Variants in WDR18 observed in about 807,000 individuals in gnomAD.
WDR18 encodes the protein WD repeat domain 18, also known as WD repeat-containing protein 18.
WDR18 carries 33 observed loss-of-function variants against 49.6 expected under a neutral mutation model. The ratio of observed to expected loss-of-function variants is 0.67; its 90% CI spans 0.50 to 0.89. WDR18 has a LOEUF of 0.89. Among genes scored for constraint, WDR18 ranks in the 40% least tolerant of loss-of-function variants. The pLI is 0.00. For synonymous variants in WDR18, 315 were observed against 263.6 expected, an observed-to-expected ratio of 1.19 and a Z score of -1.89; for missense variants, 653 against 593.6, an observed-to-expected ratio of 1.10 and a Z score of -1.04.
At chr19:991,500 C>G (rs1193696501) in intron 7 of WDR18, 149 bp downstream of exon 7, 2 of 477,146 alleles carry the variant, frequency 4.2e-6, no homozygotes, top group East Asian at 1.5e-4. Flanking sequence ...CGGGGCCTGG[C>G]TGGGGGAGTG....
At chr19:984,677 G>A (rs1599442983) in intron 1 of WDR18, 114 bp downstream of exon 1, 1 of 1,130,860 alleles carries the variant, frequency 8.8e-7, no homozygotes, top group East Asian at 3.2e-5. Context: ...GGGAGGGGAG[G>A]TGGTCTCCGT....
At chr19:986,168 C>A (rs2038472670) in intron 2 of WDR18, among the ~76,000 whole-genome samples, 193 bp downstream of exon 2, 1 of 152,188 alleles carries the variant, frequency 6.6e-6, no homozygotes, top group African/African-American at 2.4e-5. Context: ...CCAGACCAGC[C>A]CTAATCCTGC....
upstream of WDR18, among the ~76,000 whole-genome samples, chr19:983,560 CCTTT>C (rs1267864749): frequency 3.4e-5 from 5 of 145,146 alleles, no homozygotes; most frequent in South Asian, 2.3e-4. Context: ...AAGCGCCCGG[CCTTT>C]TTTTTTTTTT....
rs929785189 is a variant in WDR18, at chr19:992,050, C to T, written c.1027C>T (p.Leu343=). 3 of 1,583,738 alleles carry T rather than the reference C, an allele frequency of 1.9e-6. No homozygotes were observed. Among genetic ancestry groups the T allele is most frequent in the South Asian group, 1.1e-5 (1 of 88,540 alleles). Residue 343 remains leucine, a synonymous_variant, in exon 8 of 10, where the codon CTG becomes TTG. Coordinates refer to ENST00000585809, the MANE Select transcript of WDR18 (RefSeq NM_024100.4). ...SLPLPHFNKH[L]LGAEHGDEPR... ...GCCGCTGCCCCACTTCAACAAGCAC[C>T]TGCTGGGCGCCGAGCACGGGGACGA...
At position 994,491 on chromosome 19, in the gene WDR18, T is replaced by C; in HGVS notation, c.*147T>C. ...GGGTTTTTCCTCTGTGACTGGGCCG[T>C]CTTGGTGTCTCGTGGCACGCGTCAC... On this transcript the variant is annotated 3_prime_UTR_variant, in exon 10 of 10. Coordinates refer to ENST00000585809, the MANE Select transcript of WDR18 (RefSeq NM_024100.4). 8.4e-7 allele frequency: 1 copy of C among 1,188,884 alleles called. No homozygotes were observed. The highest frequency in any genetic ancestry group is 1.1e-6 in the Non-Finnish European group (1 of 871,730). 73.6% of individuals were successfully genotyped at this position (1,188,884 alleles called of 1,614,324 possible).
chr19:986,516 G>A (rs2038476861), intron 2 of WDR18, among the ~76,000 whole-genome samples: 1 of 152,088 alleles, frequency 6.6e-6, no homozygotes, highest in African/African-American at 2.4e-5. Context: ...TGATCCACCC[G>A]CCTCGGCCCC....
At chr19:990,593 G>C in intron 4 of WDR18, 1 of 823,172 alleles carries the variant, frequency 1.2e-6, no homozygotes, top group Admixed American at 3.3e-5. Context: ...TGGGGAATCG[G>C]AGGTCATCAC....
chr19:994,326 C>G lies in WDR18; in HGVS notation c.1281C>G (p.Ile427Met). 6.2e-7 allele frequency: 1 copy of G among 1,609,968 alleles called. No individual in the cohort carries two copies. The highest frequency in any genetic ancestry group is 2.2e-5 in the East Asian group (1 of 44,818). The stretch of plus-strand genomic sequence containing the variant: ...TGTTCGACTTCTCCACGCGCTTCAT[C>G]ACGCGGCCGGCCAAGTGAGGCCCGG... ...RDLFDFSTRF[I>M]TRPAK is the part of the protein sequence containing the mutation. The change falls in exon 10 of 10, where the codon ATC becomes ATG. Residue 427 changes from isoleucine (I) to methionine (M), a missense_variant. Coordinates refer to ENST00000585809, the MANE Select transcript of WDR18 (RefSeq NM_024100.4).
rs142747905 is a variant in WDR18 at position 984,536 on chromosome 19, C to T, written c.183C>T (p.Tyr61=). The change falls in exon 1 of 10, where the codon TAC becomes TAT. Residue 61 remains tyrosine (Y), a synonymous_variant. Transcript: ENST00000585809. ...TGGCGGCGCAGCTGGGCAAGAATTACATCAGCGCCTGGGAGCTCCAGCGGA... is the reference window on the plus strand; with the variant it reads ...TGGCGGCGCAGCTGGGCAAGAATTATATCAGCGCCTGGGAGCTCCAGCGGA... ...YLLAAQLGKN[Y]ISAWELQRKD... is the part of the protein sequence containing the mutation. 2.4e-4 allele frequency: 370 copies of T among 1,520,160 alleles called. No homozygotes were observed. In the African/African-American group the frequency reaches 4.1e-3, roughly 17 times the overall value. 94.2% of individuals were successfully genotyped at this position (1,520,160 alleles called of 1,614,324 possible).
Position 994,216 on chromosome 19 carries a change from G to A in WDR18, c.1171G>A (p.Val391Met), listed in dbSNP as rs544068612. ...CTGACCCCGACTTCTCCCGCAGAGC[G>A]TGCTCGGCGGCCAGGACCAGCTGCG... ...AVLCSTMEKS[V>M]LGGQDQLRVR... Residue 391 changes from valine to methionine, a missense_variant, in exon 10 of 10, where the codon GTG becomes ATG. Transcript: ENST00000585809. The A allele has an allele frequency of 1.2e-5, 20 of 1,600,996 alleles. 1 individual carries two copies. In the Middle Eastern group the frequency reaches 5.0e-4, roughly 40 times the overall value.
At chr19:983,013 A>G (rs1180413432), upstream of WDR18, among the ~76,000 whole-genome samples, 1 of 152,172 alleles carries the variant, frequency 6.6e-6, no homozygotes, top group Non-Finnish European at 1.5e-5. Context: ...TGCAGCCTCC[A>G]GCCCCTGCCT....
Position 994,536 on chromosome 19 carries a change from T to A in WDR18, c.*192T>A. 1 of 815,226 alleles carries A rather than the reference T, an allele frequency of 1.2e-6. No homozygotes were observed. The highest frequency in any genetic ancestry group is 1.9e-6 in the Non-Finnish European group (1 of 537,402). The allele number at this position is 815,226 out of a possible 1,614,324, so 50.5% of individuals were successfully genotyped here. ...CGTCACAGTGGTGCTAGTCTGTTTT[T>A]AACAAAAGAGGATGAAAAGCCCCTC... On this transcript the variant is annotated 3_prime_UTR_variant, in exon 10 of 10. Transcript: ENST00000585809.
chr19:985,655 T>G (rs1429101172), intron 1 of WDR18, among the ~76,000 whole-genome samples: 1 of 152,052 alleles, frequency 6.6e-6, no homozygotes, highest in African/African-American at 2.4e-5. Flanking sequence ...AGCACCAACC[T>G]CACATCTACC....
upstream of WDR18, among the ~76,000 whole-genome samples, chr19:984,075 CA>C (rs1164005799): frequency 2.6e-5 from 4 of 152,166 alleles, no homozygotes; most frequent in Non-Finnish European, 5.9e-5. Flanking sequence ...AGGAAAAGGC[CA>C]AGTCAGGTAC....
rs572532431 is a variant in WDR18, at chr19:993,940, C to T, written c.1099-80C>T. On this transcript the variant is annotated intron_variant, in intron 8 of 9. Coordinates refer to ENST00000585809, the MANE Select transcript of WDR18 (RefSeq NM_024100.4). ...CCCTCCCTGGCTGAGTGGCTGCCCACGCTGGCGGGGGTGGGATGGGCAAAG... is the reference window on the plus strand; with the variant it reads ...CCCTCCCTGGCTGAGTGGCTGCCCATGCTGGCGGGGGTGGGATGGGCAAAG... The T allele has an allele frequency of 1.1e-4, 164 of 1,497,676 alleles. No homozygotes were observed. The South Asian group carries it at 1.9e-3, about 17-fold the overall frequency. 92.8% of individuals were successfully genotyped at this position (1,497,676 alleles called of 1,614,324 possible). A position where few individuals can be genotyped will look rare whatever the true frequency, so the allele number is the denominator to read the frequency against.
Position 990,217 on chromosome 19 carries a change from G to A in WDR18, c.456-6G>A, listed in dbSNP as rs57658837. On this transcript the variant is annotated splice_polypyrimidine_tract_variant and splice_region_variant and intron_variant, in intron 3 of 9. Coordinates refer to ENST00000585809, the MANE Select transcript of WDR18 (RefSeq NM_024100.4). ...GCCTGCTGAGCACCTGCCCCACCCC[G>A]CTCAGCGTGCTGCAGGCCGACCCCT... 9.9e-3 allele frequency: 15,745 copies of A among 1,594,858 alleles called. 1,359 individuals are homozygous for A. In the African/African-American group the frequency reaches 0.19, roughly 19 times the overall value.
rs572456565 is a variant in WDR18, at chr19:991,985, C to T, written c.962C>T (p.Ala321Val). 5 of 1,595,654 alleles carry T rather than the reference C, an allele frequency of 3.1e-6. No individual in the cohort carries two copies. The highest frequency in any genetic ancestry group is 4.6e-5 in the East Asian group (2 of 43,850). ...GPVTNAAILL[A>V]PVSMLSSDFR... is the part of the protein sequence containing the mutation. ...GTCACCAATGCCGCCATCCTGCTGG[C>T]GCCCGTCAGCATGCTGAGCTCAGAC... is the stretch of plus-strand genomic sequence containing the variant. Residue 321 changes from alanine (A) to valine (V), a missense_variant, in exon 8 of 10, where the codon GCG (alanine) becomes GTG (valine). By Grantham distance (64) the Ala-to-Val change is moderately conservative. Transcript: ENST00000585809.
chr19:994,311 CTCCACGCGCTTCA>C lies in WDR18; in HGVS notation c.1269_1281del (p.Thr424ArgfsTer?), dbSNP rs1237732531. 5 of 1,610,974 alleles carry C rather than the reference CTCCACGCGCTTCA, an allele frequency of 3.1e-6. No individual in the cohort carries two copies. The highest frequency in any genetic ancestry group is 2.2e-5 in the East Asian group (1 of 44,840). On this transcript the variant is annotated frameshift_variant, in exon 10 of 10. Coordinates refer to ENST00000585809, the MANE Select transcript of WDR18 (RefSeq NM_024100.4). LOFTEE classifies it high-confidence loss of function. The stretch of plus-strand genomic sequence containing the variant: ...AGATCAATCGGGACCTGTTCGACTT[CTCCACGCGCTTCA>C]TCACGCGGCCGGCCAAGTGAGGCCC...
chr19:991,416 C>A lies in WDR18; in HGVS notation c.931+65C>A, dbSNP rs1262689121. 21 of 724,104 alleles carry A rather than the reference C, an allele frequency of 2.9e-5. No homozygotes were observed. In the Admixed American group the frequency reaches 6.9e-4, roughly 24 times the overall value. The allele number at this position is 724,104 out of a possible 1,614,324, so 44.9% of individuals were successfully genotyped here. On this transcript the variant is annotated intron_variant, in intron 7 of 9. Transcript: ENST00000585809. ...GGAAAAAGCCAGCAGGAGCTCCGGG[C>A]TTGGCTTGGGTGGGGGCGGGGACTG...
Sources: gnomAD v4.1 joint callset for allele counts (sites outside exome capture counted in the v4.1 genomes callset) on GRCh38, gnomAD v4.1.1 for gene constraint, MANE v1.5 for transcripts, NCBI Gene and HGNC (gene_info 2026-07-23, HGNC 2026-07-21) for gene names.